Variants in ARMH4 observed in about 807,000 individuals in gnomAD.
ARMH4 encodes the protein armadillo-like helical domain-containing protein 4.
A neutral mutation model predicts 61.9 loss-of-function variants in ARMH4; 49 were observed. The ratio of observed to expected loss-of-function variants is 0.79; its 90% CI spans 0.63 to 1.00. The LOEUF (loss-of-function observed/expected upper bound fraction) is 1.00, where lower values mean the gene tolerates loss of function less well. Among genes scored for constraint, ARMH4 ranks in the 50% least tolerant of loss-of-function variants. The pLI is 0.00. For missense variants in ARMH4, 934 were observed against 930.0 expected (o/e 1.00, Z -0.06); for synonymous variants, 368 against 341.5 (o/e 1.08, Z -0.85).
At chr14:58,077,494 C>A (rs1885085615) in intron 5 of ARMH4, among the ~76,000 whole-genome samples, 1 of 152,124 alleles carries the variant, frequency 6.6e-6, no homozygotes, top group African/African-American at 2.4e-5. Context: ...GCGGTCCCAG[C>A]TACTCAAGAG....
chr14:58,047,848 G>C (rs761346965), intron 5 of ARMH4, among the ~76,000 whole-genome samples: 5 of 152,112 alleles, frequency 3.3e-5, no homozygotes, highest in Non-Finnish European at 4.4e-5. Flanking sequence ...AAGTCCCCAG[G>C]TCATAAGTCA....
chr14:58,095,158 G>A (rs921548582), intron 5 of ARMH4, among the ~76,000 whole-genome samples: 2 of 152,028 alleles, frequency 1.3e-5, no homozygotes, highest in African/African-American at 2.4e-5. Flanking sequence ...CACAATCCAG[G>A]GTAGATGCCA....
Position 58,138,375 on chromosome 14 carries a change from G to A in ARMH4, c.984C>T (p.Pro328=). The change falls in exon 2 of 8, where the codon CCC becomes CCT. Residue 328 remains proline (P), a synonymous_variant. Transcript: ENST00000267485. ...GAGTCTCTTCATTGTCTCCAAGCTT[G>A]GGGGTCCTTATCCGGCTTACACTCT... ...KLESVSRIRT[P]KLGDNEETQV... is the part of the protein sequence containing the mutation. The A allele has an allele frequency of 6.2e-7, 1 of 1,614,200 alleles. No homozygotes were observed. The highest frequency in any genetic ancestry group is 8.5e-7 in the Non-Finnish European group (1 of 1,180,044).
intron 5 of ARMH4, among the ~76,000 whole-genome samples, chr14:58,057,385 TACA>T (rs1884379564): frequency 6.6e-6 from 1 of 152,242 alleles, no homozygotes; most frequent in African/African-American, 2.4e-5. Flanking sequence ...ATTTAATCCT[TACA>T]ACAACTTTAT....
At chr14:58,039,468 T>C (rs975213814) in intron 5 of ARMH4, among the ~76,000 whole-genome samples, 3 of 152,194 alleles carry the variant, frequency 2.0e-5, no homozygotes, top group Non-Finnish European at 4.4e-5. Flanking sequence ...TACAACACTT[T>C]ACCAATATCT....
chr14:58,056,467 T>C lies in ARMH4; in HGVS notation c.2089+40257A>G, dbSNP rs564280524. ...AAAGCTCTTAGCAAATAAAGTTGTA[T>C]TAGTTATGTCCCATGAGATGCACAG... On this transcript the variant is annotated intron_variant, in intron 5 of 7. Coordinates refer to ENST00000267485, the MANE Select transcript of ARMH4 (RefSeq NM_001001872.4). Among the ~76,000 whole-genome samples the C allele has an allele frequency of 3.0e-4, 45 of 152,284 alleles. 3 individuals carry two copies. The highest frequency in any genetic ancestry group is 1.2e-3 in the Admixed American group (19 of 15,302).
rs67384390 is a variant in ARMH4 at position 58,015,220 on chromosome 14, A to G, written c.2090-3070T>C. Among the ~76,000 whole-genome samples the G allele has an allele frequency of 6.6e-5, 10 of 152,216 alleles. No individual in the cohort carries two copies. The East Asian group carries it at 9.6e-4, about 15-fold the overall frequency. On this transcript the variant is annotated intron_variant, in intron 5 of 7. Coordinates refer to ENST00000267485, the MANE Select transcript of ARMH4 (RefSeq NM_001001872.4). ...ATGAAGAAATTCTCCACTGAAGGCA[A>G]GAAGGCACATCAGTGCAAGATGTTT...
chr14:58,022,208 A>G (rs1882861404), intron 5 of ARMH4, among the ~76,000 whole-genome samples: 1 of 152,070 alleles, frequency 6.6e-6, no homozygotes, highest in African/African-American at 2.4e-5. Flanking sequence ...CAAAGTCAAC[A>G]GCATAACGTC....
chr14:58,132,775 C>T (rs1418043485), intron 3 of ARMH4, among the ~76,000 whole-genome samples: 1 of 151,900 alleles, frequency 6.6e-6, no homozygotes, highest in South Asian at 2.1e-4. Flanking sequence ...TTAGTAGAGA[C>T]GGGGTTTCAC....
chr14:58,108,705 C>T (rs934475443), intron 4 of ARMH4, among the ~76,000 whole-genome samples: 7 of 152,148 alleles, frequency 4.6e-5, no homozygotes, highest in African/African-American at 1.7e-4. Context: ...TGCTTGAACA[C>T]TCATAAATGA....
intron 2 of ARMH4, among the ~76,000 whole-genome samples, chr14:58,134,456 TAAGTC>T (rs1188099176): frequency 3.9e-5 from 6 of 152,314 alleles, no homozygotes; most frequent in South Asian, 2.1e-4. Flanking sequence ...AGACTACTTA[TAAGTC>T]AAGATTTTCC....
At chr14:58,053,171 T>C (rs1799139583) in intron 5 of ARMH4, among the ~76,000 whole-genome samples, 1 of 152,170 alleles carries the variant, frequency 6.6e-6, no homozygotes, top group Admixed American at 6.5e-5. Flanking sequence ...TGTTACTTCT[T>C]CACTCCACTT....
At chr14:58,131,449 A>G in intron 4 of ARMH4, 63 bp downstream of exon 4, 1 of 1,357,374 alleles carries the variant, frequency 7.4e-7, no homozygotes, top group South Asian at 1.2e-5. Flanking sequence ...TCTTTTTCAA[A>G]AACATTTGCT....
intron 5 of ARMH4, among the ~76,000 whole-genome samples, chr14:58,012,737 A>G (rs192604250): frequency 3.0e-4 from 45 of 152,364 alleles, no homozygotes; most frequent in Admixed American, 2.2e-3. Context: ...TACAACCACT[A>G]TGAAAAATAA....
At chr14:58,057,574 G>T (rs1364442093) in intron 5 of ARMH4, among the ~76,000 whole-genome samples, 1 of 146,798 alleles carries the variant, frequency 6.8e-6, no homozygotes, top group Non-Finnish European at 1.5e-5. Flanking sequence ...GTGTGTCTGT[G>T]TGTGTGTGTG....
chr14:58,039,037 C>T (rs1007090031), intron 5 of ARMH4, among the ~76,000 whole-genome samples: 11 of 152,192 alleles, frequency 7.2e-5, no homozygotes, highest in Non-Finnish European at 1.5e-4. Flanking sequence ...GCAGTGTCCA[C>T]GCTTCCCCTG....
Position 58,139,071 on chromosome 14 carries a change from G to C in ARMH4, c.288C>G (p.Thr96=), listed in dbSNP as rs767849929. ...LNKAFSINKE[T]QPGQAGLMQT... is the part of the protein sequence containing the mutation. Reference sequence around the variant, plus strand: ...GCATGAGCCCAGCTTGTCCAGGCTGGGTTTCTTTGTTAATCGAGAATGCTT... The same window carrying C: ...GCATGAGCCCAGCTTGTCCAGGCTGCGTTTCTTTGTTAATCGAGAATGCTT... Residue 96 remains threonine (T), a synonymous_variant, in exon 2 of 8, where the codon ACC becomes ACG. Coordinates refer to ENST00000267485, the MANE Select transcript of ARMH4 (RefSeq NM_001001872.4). 1 of 1,614,068 alleles carries C rather than the reference G, an allele frequency of 6.2e-7. No individual in the cohort carries two copies. Among genetic ancestry groups the C allele is most frequent in the Non-Finnish European group, 8.5e-7 (1 of 1,180,034 alleles).
chr14:58,142,339 T>C (rs1274107280), intron 1 of ARMH4, among the ~76,000 whole-genome samples: 2 of 152,166 alleles, frequency 1.3e-5, no homozygotes, highest in Non-Finnish European at 2.9e-5. Flanking sequence ...TGTTATCTCA[T>C]TTAGTCTTAT....
At position 58,133,252 on chromosome 14, in the gene ARMH4, G is replaced by A; in HGVS notation, c.1459C>T (p.Leu487Phe). 6.2e-7 allele frequency: 1 copy of A among 1,614,130 alleles called. No homozygotes were observed. The highest frequency in any genetic ancestry group is 8.5e-7 in the Non-Finnish European group (1 of 1,180,032). The change falls in exon 3 of 8, where the codon CTT becomes TTT. Residue 487 changes from leucine (L) to phenylalanine (F), a missense_variant. Transcript: ENST00000267485. Reference sequence around the variant, plus strand: ...TCAGTCTTGCCACTGTCTCTGATAAGCTCGAGGGTAGCAACCTGCTCTTGT... The same window carrying A: ...TCAGTCTTGCCACTGTCTCTGATAAACTCGAGGGTAGCAACCTGCTCTTGT... ...VTQEQVATLELIRDSGKTEEE... is the reference protein window; with the variant it reads ...VTQEQVATLEFIRDSGKTEEE...
Sources: gnomAD v4.1 joint callset for allele counts (sites outside exome capture counted in the v4.1 genomes callset) on GRCh38, gnomAD v4.1.1 for gene constraint, MANE v1.5 for transcripts, NCBI Gene and HGNC (gene_info 2026-07-23, HGNC 2026-07-21) for gene names.